Variants in FSHR observed in about 807,000 individuals in gnomAD.
FSHR encodes the protein follicle stimulating hormone receptor.
Under a neutral mutation model 52.1 loss-of-function variants are expected in FSHR, and 46 were observed. The observed-to-expected ratio is 0.88, with a 90% confidence interval of 0.70 to 1.13. The LOEUF is 1.13. Among genes scored for constraint, FSHR ranks in the 50% most tolerant of loss-of-function variants. The pLI is 0.00. For missense variants in FSHR, 964 were observed against 834.6 expected (o/e 1.16, Z -1.91); for synonymous variants, 399 against 309.6 (o/e 1.29, Z -3.03).
At chr2:49,136,058 T>TA (rs901835922) in intron 1 of FSHR, among the ~76,000 whole-genome samples, 10 of 149,226 alleles carry the variant, frequency 6.7e-5, no homozygotes, top group East Asian at 5.9e-4. Flanking sequence ...AAATAAGGAA[T>TA]AAAAAAAAGA....
Position 48,983,005 on chromosome 2 carries a change from AAAG to A in FSHR, c.594-22_594-20del, listed in dbSNP as rs753566609. On this transcript the variant is annotated intron_variant, in intron 7 of 9. Transcript: ENST00000406846. Reference sequence around the variant, plus strand: ...TAGATTCCTGGGGATGGGGTTGAGGAAAGAAGAAGGAAAACACAAAGCCACATA... The same window carrying A: ...TAGATTCCTGGGGATGGGGTTGAGGAAAGAAGGAAAACACAAAGCCACATA... 13 of 1,612,666 alleles carry A rather than the reference AAAG, an allele frequency of 8.1e-6. No homozygotes were observed. In the East Asian group the frequency reaches 2.0e-4, roughly 25 times the overall value.
chr2:49,059,736 T>C (rs1055061637), intron 2 of FSHR: 7 of 152,142 alleles, frequency 4.6e-5, no homozygotes, highest in African/African-American at 1.7e-4. Context: ...AATTCCTAAA[T>C]ATACGTCCAA....
At chr2:49,141,803 A>G (rs1238971030) in intron 1 of FSHR, among the ~76,000 whole-genome samples, 1 of 152,176 alleles carries the variant, frequency 6.6e-6, no homozygotes, top group Non-Finnish European at 1.5e-5. Flanking sequence ...AGGAGTTCAG[A>G]GTAAAAAGAG....
intron 1 of FSHR, among the ~76,000 whole-genome samples, chr2:49,124,820 C>T (rs1671943593): frequency 6.6e-6 from 1 of 152,218 alleles, no homozygotes; most frequent in Non-Finnish European, 1.5e-5. Context: ...AAGCTTTAAT[C>T]AGATCACATC....
chr2:49,140,174 G>C (rs922309076), intron 1 of FSHR, among the ~76,000 whole-genome samples: 1 of 152,082 alleles, frequency 6.6e-6, no homozygotes, highest in African/African-American at 2.4e-5. Flanking sequence ...TTTGGAGCTA[G>C]GGCCTGGTGG....
intron 1 of FSHR, among the ~76,000 whole-genome samples, chr2:49,126,289 A>G (rs1394203): frequency 0.26 from 38,496 of 150,274 alleles, 5,283 homozygotes; most frequent in East Asian, 0.48. Flanking sequence ...GTGGAAAGGC[A>G]AGAGAGCACA....
At chr2:49,098,969 A>G (rs1001466694) in intron 1 of FSHR, among the ~76,000 whole-genome samples, 2 of 150,988 alleles carry the variant, frequency 1.3e-5, no homozygotes, top group African/African-American at 4.9e-5. Context: ...CCACACATAC[A>G]CACATTAGAA....
intron 2 of FSHR, among the ~76,000 whole-genome samples, chr2:49,059,142 C>T (rs567779487): frequency 1.3e-5 from 2 of 152,150 alleles, no homozygotes; most frequent in African/African-American, 4.8e-5. Flanking sequence ...GAGTTTGAGG[C>T]TGCAGTGAGC....
At chr2:49,082,865 C>T (rs1246720038) in intron 1 of FSHR, among the ~76,000 whole-genome samples, 1 of 152,120 alleles carries the variant, frequency 6.6e-6, no homozygotes, top group Non-Finnish European at 1.5e-5. Flanking sequence ...AAATCTACGT[C>T]TGATTGGTGT....
At chr2:49,116,537 A>C (rs991032619) in intron 1 of FSHR, among the ~76,000 whole-genome samples, 2 of 152,164 alleles carry the variant, frequency 1.3e-5, no homozygotes, top group Admixed American at 6.5e-5. Flanking sequence ...GTGAGGATTA[A>C]ATGAGGTAAT....
intron 8 of FSHR, among the ~76,000 whole-genome samples, chr2:48,975,517 C>T (rs1159984998): frequency 6.6e-6 from 1 of 152,122 alleles, no homozygotes; most frequent in Non-Finnish European, 1.5e-5. Context: ...GATGGCCTCC[C>T]CGGTTCTGAA....
intron 2 of FSHR, among the ~76,000 whole-genome samples, chr2:49,055,651 A>AG (rs908360862): frequency 6.6e-5 from 10 of 151,900 alleles, no homozygotes; most frequent in Admixed American, 5.3e-4. Context: ...ACTTCTAAAA[A>AG]CAGGAAGAGA....
chr2:48,984,103 G>C (rs551420765), intron 6 of FSHR, among the ~76,000 whole-genome samples: 26 of 152,208 alleles, frequency 1.7e-4, no homozygotes, highest in Non-Finnish European at 3.2e-4. Context: ...AGCTGACCCA[G>C]AGAAGCTCCT....
chr2:49,139,699 G>A (rs968683958), intron 1 of FSHR, among the ~76,000 whole-genome samples: 3 of 150,786 alleles, frequency 2.0e-5, no homozygotes, highest in Non-Finnish European at 2.9e-5. Flanking sequence ...CTGGGTTCAC[G>A]CCATTCTCCT....
intron 4 of FSHR, among the ~76,000 whole-genome samples, chr2:48,993,041 G>A (rs565419494): frequency 3.3e-5 from 5 of 151,854 alleles, no homozygotes; most frequent in South Asian, 2.1e-4. Flanking sequence ...GCATTCTTTC[G>A]TTTCTGCTCC....
intron 1 of FSHR, among the ~76,000 whole-genome samples, chr2:49,134,498 A>T (rs62162143): frequency 6.6e-6 from 1 of 152,108 alleles, no homozygotes; most frequent in South Asian, 2.1e-4. Context: ...ATTGTGGAAG[A>T]CAGTGTGGTG....
intron 2 of FSHR, among the ~76,000 whole-genome samples, chr2:49,053,452 C>T (rs939932246): frequency 2.6e-5 from 4 of 152,168 alleles, no homozygotes; most frequent in African/African-American, 9.7e-5. Flanking sequence ...GTAATCTTCA[C>T]ACTTTATACC....
intron 2 of FSHR, among the ~76,000 whole-genome samples, chr2:49,042,245 C>T (rs1668502602): frequency 6.6e-6 from 1 of 152,098 alleles, no homozygotes; most frequent in Non-Finnish European, 1.5e-5. Flanking sequence ...TTTTTTTCCC[C>T]CGAGTGACTT....
chr2:49,150,934 C>T (rs1382218755), intron 1 of FSHR, among the ~76,000 whole-genome samples: 2 of 151,988 alleles, frequency 1.3e-5, no homozygotes, highest in Non-Finnish European at 2.9e-5. Flanking sequence ...TGAAAAAAAT[C>T]AAAATAATGC....
Sources: allele counts gnomAD v4.1 joint callset (sites outside exome capture counted in the v4.1 genomes callset), GRCh38; gene constraint gnomAD v4.1.1; transcripts MANE v1.5; gene names NCBI Gene and HGNC (gene_info 2026-07-23, HGNC 2026-07-21).